The following PCDHA4 variants were observed in gnomAD, a reference collection of about 807,000 sequenced individuals.
PCDHA4 encodes the protein protocadherin alpha 4.
In PCDHA4, 49 loss-of-function variants were observed where a neutral mutation model predicts 61.4. The observed-to-expected ratio is 0.80, with a 90% confidence interval of 0.63 to 1.01. The LOEUF is 1.01. Among genes scored for constraint, PCDHA4 ranks in the 50% least tolerant of loss-of-function variants. PCDHA4 has a pLI of 0.00. For synonymous variants in PCDHA4, 590 were observed against 550.3 expected (o/e 1.07, Z -1.01); for missense variants, 1,254 against 1,235.8 (o/e 1.01, Z -0.22).
At chr5:140,833,939 G>A (rs1772729050) in intron 1 of PCDHA4, among the ~76,000 whole-genome samples, 1 of 151,992 alleles carries the variant, frequency 6.6e-6, no homozygotes, top group African/African-American at 2.4e-5. Context: ...TGTCACTTAG[G>A]TTTCTATCTT....
At chr5:140,967,113 G>T in intron 1 of PCDHA4, 1 of 1,612,880 alleles carries the variant, frequency 6.2e-7, no homozygotes, top group Non-Finnish European at 8.5e-7. Flanking sequence ...CAGCGGCCTC[G>T]CTGCCTGCTC....
chr5:140,843,064 G>T (rs2150351494), intron 1 of PCDHA4: 2 of 1,595,268 alleles, frequency 1.3e-6, no homozygotes, highest in Non-Finnish European at 1.7e-6. Context: ...GCAAGCTGGT[G>T]CCGCGGTCTG....
intron 1 of PCDHA4, chr5:140,884,795 T>C: frequency 7.8e-7 from 1 of 1,280,270 alleles, no homozygotes; most frequent in South Asian, 1.7e-5. Context: ...TGTTATCGAA[T>C]TTAACAACTC....
At chr5:140,867,971 C>A (rs1230179778) in intron 1 of PCDHA4, 2 of 152,032 alleles carry the variant, frequency 1.3e-5, no homozygotes, top group Non-Finnish European at 2.9e-5. Flanking sequence ...ATTCTTTCAA[C>A]AAGAAACAAA....
chr5:140,941,214 C>CTTTCTTTCTTT (rs1554214039), intron 1 of PCDHA4, among the ~76,000 whole-genome samples: 7,707 of 122,054 alleles, frequency 0.063, 376 homozygotes, highest in South Asian at 0.093. Context: ...TTTCTTTCTT[C>CTTTCTTTCTTT]CTTTCTTTCT....
chr5:140,928,132 C>T (rs1563101702), intron 1 of PCDHA4: 1 of 1,614,100 alleles, frequency 6.2e-7, no homozygotes, highest in Non-Finnish European at 8.5e-7. Flanking sequence ...ATACCAAGTC[C>T]TGATCACGGC....
At chr5:140,849,767 G>A (rs1373587941) in intron 1 of PCDHA4, 1 of 1,598,498 alleles carries the variant, frequency 6.3e-7, no homozygotes, top group Non-Finnish European at 8.6e-7. Flanking sequence ...ACGAGCTGGT[G>A]GTTACCGCGC....
Position 140,842,897 on chromosome 5 carries a change from G to A in PCDHA4, c.2385+33325G>A. On this transcript the variant is annotated intron_variant, in intron 1 of 3. Transcript: ENST00000530339. ...GTACGCGCTGCAGCCGCTGGACCAC[G>A]AGGAGCTAGAGCTGCTGCAGTTCCA... The A allele has an allele frequency of 1.3e-6, 2 of 1,594,388 alleles. No homozygotes were observed. Among genetic ancestry groups the A allele is most frequent in the Non-Finnish European group, 1.7e-6 (2 of 1,165,484 alleles).
At chr5:140,826,934 G>C (rs1192705662) in intron 1 of PCDHA4, among the ~76,000 whole-genome samples, 1 of 152,116 alleles carries the variant, frequency 6.6e-6, no homozygotes, top group East Asian at 1.9e-4. Flanking sequence ...GGACTTAGGT[G>C]GATGTGGAAT....
chr5:140,897,561 G>A (rs1168105225), intron 1 of PCDHA4, among the ~76,000 whole-genome samples: 1 of 151,976 alleles, frequency 6.6e-6, no homozygotes, highest in Non-Finnish European at 1.5e-5. Flanking sequence ...GTGTATATGT[G>A]CCACATTTTC....
chr5:140,856,592 A>G lies in PCDHA4; in HGVS notation c.2385+47020A>G, dbSNP rs782076669. The G allele has an allele frequency of 1.2e-5, 19 of 1,597,836 alleles. 1 individual carries two copies. The highest frequency in any genetic ancestry group is 8.6e-6 in the Non-Finnish European group (10 of 1,167,414). On this transcript the variant is annotated intron_variant, in intron 1 of 3. Transcript: ENST00000530339. ...AAATGAGTATTTTGTTCTTGATATTATAAACAAAAAAGACAAAGACAAATT... is the reference window on the plus strand; with the variant it reads ...AAATGAGTATTTTGTTCTTGATATTGTAAACAAAAAAGACAAAGACAAATT...
At chr5:140,956,701 G>A (rs549659732) in intron 1 of PCDHA4, among the ~76,000 whole-genome samples, 30 of 152,256 alleles carry the variant, frequency 2.0e-4, no homozygotes, top group Admixed American at 1.4e-3. Context: ...CCATTGTTTG[G>A]AATAGCTTCA....
At chr5:140,875,395 GT>G in intron 1 of PCDHA4, 1 of 1,478,260 alleles carries the variant, frequency 6.8e-7, no homozygotes, top group African/African-American at 1.4e-5. Context: ...ACAGAAAAGG[GT>G]GACTGCTCAT....
intron 1 of PCDHA4, among the ~76,000 whole-genome samples, chr5:140,837,619 T>C (rs1775159860): frequency 6.7e-6 from 1 of 148,926 alleles, no homozygotes; most frequent in Admixed American, 6.6e-5. Flanking sequence ...ATTTGCCCCT[T>C]CCTTCCTTCC....
intron 1 of PCDHA4, chr5:140,876,844 C>T (rs200154646): frequency 1.2e-6 from 2 of 1,614,016 alleles, no homozygotes; most frequent in East Asian, 2.2e-5. Context: ...GTTCGCGCAG[C>T]CCGAGTACAC....
intron 1 of PCDHA4, among the ~76,000 whole-genome samples, chr5:140,973,778 T>C (rs910410874): frequency 3.9e-5 from 6 of 152,256 alleles, no homozygotes; most frequent in African/African-American, 1.4e-4. Context: ...ATATTATAGG[T>C]TGCCTATTGG....
chr5:140,816,613 A>G (rs1207315967), intron 1 of PCDHA4: 1 of 151,942 alleles, frequency 6.6e-6, no homozygotes, highest in Non-Finnish European at 1.5e-5. Context: ...ATACATTTCA[A>G]AAAAACAAAA....
At position 140,843,722 on chromosome 5, in the gene PCDHA4, C is replaced by T. The variant is rs2150365613; in HGVS notation, c.2385+34150C>T. ...TGTTGATCATGGCCTCAAAGTAAGT[C>T]CATTTAAATTTAGAACTCATAAATT... On this transcript the variant is annotated intron_variant, in intron 1 of 3. Coordinates refer to ENST00000530339, the MANE Select transcript of PCDHA4 (RefSeq NM_018907.4). 2.4e-4 allele frequency: 371 copies of T among 1,561,926 alleles called. 35 individuals carry two copies. The highest frequency in any genetic ancestry group is 1.3e-3 in the East Asian group (56 of 44,658).
chr5:140,922,162 A>G (rs2080680842), intron 1 of PCDHA4, among the ~76,000 whole-genome samples: 1 of 146,764 alleles, frequency 6.8e-6, no homozygotes, highest in African/African-American at 2.5e-5. Flanking sequence ...AAAAACAACA[A>G]AAAGTACAGC....
Sources: allele counts gnomAD v4.1 joint callset (sites outside exome capture counted in the v4.1 genomes callset), GRCh38; gene constraint gnomAD v4.1.1; transcripts MANE v1.5; gene names NCBI Gene and HGNC (gene_info 2026-07-23, HGNC 2026-07-21).